The following PLAAT5 variants were observed in gnomAD, a reference collection of about 807,000 sequenced individuals.
PLAAT5 encodes the protein Ca(2+)-independent N-acyltransferase.
Under a neutral mutation model 27.8 loss-of-function variants are expected in PLAAT5, and 27 were observed. The observed-to-expected ratio is 0.97, with a 90% CI of 0.72 to 1.34. PLAAT5 has a LOEUF of 1.34. Ranked by LOEUF, PLAAT5 falls within the 40% of genes most tolerant of loss-of-function variation. PLAAT5 has a pLI of 0.00. For missense variants in PLAAT5, 368 were observed against 343.8 expected, an observed-to-expected ratio of 1.07 and a Z score of -0.56; for synonymous variants, 125 against 136.1, an observed-to-expected ratio of 0.92 and a Z score of 0.57.
chr11:63,484,893 TA>T (rs1262527815), intron 3 of PLAAT5, among the ~76,000 whole-genome samples: 5 of 152,114 alleles, frequency 3.3e-5, no homozygotes, highest in Non-Finnish European at 5.9e-5. Flanking sequence ...TGGAAAACCC[TA>T]AAGCCTAATC....
chr11:63,471,191 C>T (rs1231323472), intron 3 of PLAAT5, among the ~76,000 whole-genome samples: 1 of 152,152 alleles, frequency 6.6e-6, no homozygotes, highest in Non-Finnish European at 1.5e-5. Context: ...TCTATATAAA[C>T]ATCAGAGGAT....
Position 63,483,784 on chromosome 11 carries a change from AATATATATATATATATGTATATAT to A in PLAAT5, c.345+5063_345+5086del, listed in dbSNP as rs1447357224. On this transcript the variant is annotated intron_variant, in intron 3 of 5. Transcript: ENST00000540857. ...GTAAATGAAATTGAAGCAAAAAAAA[AATATATATATATATATGTATATAT>A]ATATATATATATATATATATATATA... 7.4e-3 allele frequency among the ~76,000 whole-genome samples: 488 copies of A among 65,676 alleles called. 14 individuals are homozygous for A. Among genetic ancestry groups the A allele is most frequent in the African/African-American group, 0.043 (436 of 10,236 alleles). The allele number at this position is 65,676 out of a possible 152,430, so 43.1% of individuals were successfully genotyped here.
chr11:63,470,182 G>A (rs545990844), intron 3 of PLAAT5: 1 of 158,156 alleles, frequency 6.3e-6, no homozygotes, highest in Admixed American at 6.5e-5. Context: ...TCTTACAGAT[G>A]TGAATAATGT....
rs2015736397 is a variant in PLAAT5, at chr11:63,462,185, G to T, written c.*1318C>A. On this transcript the variant is annotated 3_prime_UTR_variant, in exon 6 of 6. Transcript: ENST00000540857. ...GGAATAAATATACTTTATAAAATAT[G>T]AGTTCCTGGTACTCAGGTTCTGCTT... is the stretch of plus-strand genomic sequence containing the variant. The T allele has an allele frequency of 6.6e-6, 1 of 152,186 alleles. No individual in the cohort carries two copies. The highest frequency in any genetic ancestry group is 2.1e-4 in the South Asian group (1 of 4,828). 9.4% of individuals were successfully genotyped at this position (152,186 alleles called of 1,614,324 possible).
intron 3 of PLAAT5, among the ~76,000 whole-genome samples, chr11:63,487,680 C>T (rs1032577721): frequency 2.0e-5 from 3 of 152,144 alleles, no homozygotes; most frequent in Non-Finnish European, 2.9e-5. Flanking sequence ...CACAAAGACT[C>T]GTACATAAAT....
chr11:63,466,071 C>T (rs916766275), intron 5 of PLAAT5, 39 bp downstream of exon 5: 4 of 1,595,126 alleles, frequency 2.5e-6, no homozygotes, highest in East Asian at 2.2e-5. Flanking sequence ...CCCAAGAAAG[C>T]TCTGGAAGAA....
At position 63,461,629 on chromosome 11, in the gene PLAAT5, A is replaced by T. The variant is rs1466385387; in HGVS notation, c.*1874T>A. Reference sequence around the variant, plus strand: ...GAAACACACACACACACTTTGAGAAACTCGCCCTTCCTCATCTTCAAAGTG... The same window carrying T: ...GAAACACACACACACACTTTGAGAATCTCGCCCTTCCTCATCTTCAAAGTG... On this transcript the variant is annotated 3_prime_UTR_variant, in exon 6 of 6. Coordinates refer to ENST00000540857, the MANE Select transcript of PLAAT5 (RefSeq NM_001146729.2). The T allele has an allele frequency of 6.6e-6, 1 of 152,018 alleles. No individual in the cohort carries two copies. Among genetic ancestry groups the T allele is most frequent in the Non-Finnish European group, 1.5e-5 (1 of 67,992 alleles). 9.4% of individuals were successfully genotyped at this position (152,018 alleles called of 1,614,324 possible). A position where few individuals can be genotyped will look rare whatever the true frequency, so the allele number is the denominator to read the frequency against.
At chr11:63,490,575 A>T in intron 1 of PLAAT5, 1 of 657,096 alleles carries the variant, frequency 1.5e-6, no homozygotes, top group Non-Finnish European at 2.6e-6. Flanking sequence ...GAGGATGAAG[A>T]AGGGCGCCTC....
chr11:63,464,286 A>C (rs2015794770), intron 5 of PLAAT5, among the ~76,000 whole-genome samples: 2 of 152,252 alleles, frequency 1.3e-5, no homozygotes, highest in Non-Finnish European at 2.9e-5. Flanking sequence ...CAATCTGCTT[A>C]GACAACAGAA....
intron 3 of PLAAT5, 148 bp from the exon 4 acceptor site, chr11:63,468,613 C>T (rs1355770769): frequency 9.6e-6 from 6 of 624,990 alleles, no homozygotes; most frequent in Non-Finnish European, 1.7e-5. Flanking sequence ...TCTCTTCACA[C>T]TGAGGACCAA....
chr11:63,468,158 T>A (rs952202837), intron 4 of PLAAT5, among the ~76,000 whole-genome samples, 199 bp downstream of exon 4: 2 of 152,178 alleles, frequency 1.3e-5, no homozygotes, highest in Non-Finnish European at 2.9e-5. Flanking sequence ...TACACTTGTA[T>A]CACTCTTAGG....
intron 3 of PLAAT5, among the ~76,000 whole-genome samples, chr11:63,472,801 T>C (rs2016059968): frequency 6.6e-6 from 1 of 152,208 alleles, no homozygotes; most frequent in African/African-American, 2.4e-5. Context: ...GCTGAACATA[T>C]TTAATTCTAA....
At chr11:63,488,664 CT>C (rs1007226949) in intron 3 of PLAAT5, among the ~76,000 whole-genome samples, 158 of 148,264 alleles carry the variant, frequency 1.1e-3, no homozygotes, top group African/African-American at 3.8e-3. Flanking sequence ...CATTATGAGA[CT>C]TTTTTGTGGG....
intron 3 of PLAAT5, among the ~76,000 whole-genome samples, chr11:63,469,145 T>TGTGTGAGAGAGA (rs377110717): frequency 2.4e-5 from 3 of 122,716 alleles, no homozygotes; most frequent in African/African-American, 8.9e-5. Flanking sequence ...TGTGTGTGTG[T>TGTGTGAGAGAGA]GAGAGAGAGA....
chr11:63,481,971 A>G (rs769618452), intron 3 of PLAAT5, among the ~76,000 whole-genome samples: 38 of 152,202 alleles, frequency 2.5e-4, no homozygotes, highest in Admixed American at 5.9e-4. Flanking sequence ...ATGAGTTAAT[A>G]GGTGCAGCGC....
chr11:63,478,543 A>G (rs772678772), intron 3 of PLAAT5, among the ~76,000 whole-genome samples: 1 of 152,026 alleles, frequency 6.6e-6, no homozygotes, highest in Non-Finnish European at 1.5e-5. Flanking sequence ...GGATGGTCTC[A>G]ATCTCCTGAC....
intron 3 of PLAAT5, 43 bp from the exon 4 acceptor site, chr11:63,468,508 A>T (rs1176025161): frequency 6.3e-6 from 9 of 1,418,430 alleles, no homozygotes; most frequent in Non-Finnish European, 8.9e-6. Context: ...TGCTCAAGGA[A>T]CTCCAGAGAC....
At chr11:63,469,517 A>T (rs2015964586) in intron 3 of PLAAT5, 1 of 242,404 alleles carries the variant, frequency 4.1e-6, no homozygotes, top group African/African-American at 2.3e-5. Flanking sequence ...AAAACAGGGT[A>T]TAAAAGATTC....
At chr11:63,466,944 C>T (rs560082153) in intron 4 of PLAAT5, among the ~76,000 whole-genome samples, 1 of 152,266 alleles carries the variant, frequency 6.6e-6, no homozygotes, top group East Asian at 1.9e-4. Flanking sequence ...TGTTTGAAAA[C>T]AGGGTTCCAC....
Sources: allele counts gnomAD v4.1 joint callset (sites outside exome capture counted in the v4.1 genomes callset), GRCh38; gene constraint gnomAD v4.1.1; transcripts MANE v1.5; gene names NCBI Gene and HGNC (gene_info 2026-07-23, HGNC 2026-07-21).